The following NMNAT1 variants were observed in gnomAD, a reference collection of about 807,000 sequenced individuals.
The protein encoded by NMNAT1 is nicotinamide/nicotinic acid mononucleotide adenylyltransferase 1.
In NMNAT1, 11 loss-of-function variants were observed where a neutral mutation model predicts 16.7. That is an observed-to-expected ratio of 0.66 (90% CI 0.41 to 1.09). The LOEUF (loss-of-function observed/expected upper bound fraction) is 1.09. Ranked by LOEUF, NMNAT1 falls within the 50% of genes least tolerant of loss-of-function variation. The probability of loss-of-function intolerance (pLI) is 0.00; values close to 1 mark genes in which losing one functional copy is unlikely to be tolerated. For missense variants in NMNAT1, 280 were observed against 332.3 expected (o/e 0.84, Z 1.22); for synonymous variants, 110 against 119.8 (o/e 0.92, Z 0.53).
chr1:9,975,896 G>T, intron 3 of NMNAT1, 121 bp downstream of exon 3: 1 of 766,856 alleles, frequency 1.3e-6, no homozygotes. Flanking sequence ...TGTCACGTGT[G>T]TTGTAAGCCA....
chr1:9,965,982 T>C (rs1337258124), intron 1 of NMNAT1, among the ~76,000 whole-genome samples: 1 of 150,582 alleles, frequency 6.6e-6, no homozygotes, highest in Non-Finnish European at 1.5e-5. Flanking sequence ...ACCGAGATCC[T>C]TTCTCAAAAA....
At chr1:9,955,475 C>T (rs535937634) in intron 1 of NMNAT1, among the ~76,000 whole-genome samples, 6 of 149,126 alleles carry the variant, frequency 4.0e-5, no homozygotes, top group Admixed American at 2.7e-4. Context: ...TGTGGTGGCG[C>T]ATGCCTGTAA....
chr1:9,975,861 C>A, intron 3 of NMNAT1, 86 bp downstream of exon 3: 2 of 1,119,208 alleles, frequency 1.8e-6, no homozygotes, highest in Non-Finnish European at 1.3e-6. Flanking sequence ...TTGCTTACAT[C>A]TGTGAACATA....
At chr1:9,963,152 C>G (rs1348411418) in intron 1 of NMNAT1, among the ~76,000 whole-genome samples, 1 of 151,998 alleles carries the variant, frequency 6.6e-6, no homozygotes, top group Non-Finnish European at 1.5e-5. Flanking sequence ...AGTTTATCTC[C>G]CATTTTTCTT....
chr1:9,955,515 G>T (rs1216599167), intron 1 of NMNAT1, among the ~76,000 whole-genome samples: 2 of 152,118 alleles, frequency 1.3e-5, no homozygotes, highest in African/African-American at 4.8e-5. Context: ...TGAGGCAGGA[G>T]AATCACTTGA....
chr1:9,953,932 C>A (rs909568833), intron 1 of NMNAT1, among the ~76,000 whole-genome samples: 15 of 147,346 alleles, frequency 1.0e-4, no homozygotes, highest in Admixed American at 9.1e-4. Flanking sequence ...CAGTCCCCAT[C>A]GTAGCTGGGA....
the NMNAT1 span, among the ~76,000 whole-genome samples, chr1:9,996,436 G>A: frequency 2.6e-5 from 4 of 152,232 alleles, no homozygotes; most frequent in African/African-American, 9.6e-5. Flanking sequence ...TAATGTTGTA[G>A]GTTAGCCCAT....
Position 9,983,098 on chromosome 1 carries a change from C to CT in NMNAT1, c.*398dup, listed in dbSNP as rs1280326693. On this transcript the variant is annotated 3_prime_UTR_variant, in exon 5 of 5. Transcript: ENST00000377205. Reference sequence around the variant, plus strand: ...TCCAGCCTGGCGACAGAGCAAGACTCTGTCTCAAAAAAAAAAAAAAATTTA... The same window carrying CT: ...TCCAGCCTGGCGACAGAGCAAGACTCTTGTCTCAAAAAAAAAAAAAAATTTA... 7.1e-6 allele frequency: 1 copy of CT among 141,594 alleles called. No homozygotes were observed. Among genetic ancestry groups the CT allele is most frequent in the Admixed American group, 7.0e-5 (1 of 14,356 alleles). 8.8% of individuals were successfully genotyped at this position (141,594 alleles called of 1,614,324 possible).
chr1:9,953,962 T>C (rs541573676), intron 1 of NMNAT1, among the ~76,000 whole-genome samples: 8 of 151,320 alleles, frequency 5.3e-5, no homozygotes, highest in African/African-American at 9.7e-5. Flanking sequence ...CGTGCCATCA[T>C]GCCCAGCTAA....
intron 1 of NMNAT1, chr1:9,967,358 TGATC>T (rs1307637456): frequency 1.3e-5 from 2 of 154,110 alleles, no homozygotes; most frequent in Admixed American, 6.6e-5. Flanking sequence ...CAAACTTACT[TGATC>T]TCCCACGAAT....
chr1:9,989,108 C>T (rs181311958), downstream of NMNAT1, among the ~76,000 whole-genome samples: 10 of 152,162 alleles, frequency 6.6e-5, no homozygotes, highest in East Asian at 1.9e-3. Flanking sequence ...CCCTGTTTGC[C>T]CTCTTGAAAG....
chr1:9,970,900 AT>A (rs1641673830), intron 1 of NMNAT1, among the ~76,000 whole-genome samples: 1 of 152,174 alleles, frequency 6.6e-6, no homozygotes, highest in African/African-American at 2.4e-5. Context: ...TGTTGTATTA[AT>A]TAACTGTGGC....
chr1:9,966,368 T>C (rs1641543200), intron 1 of NMNAT1, among the ~76,000 whole-genome samples: 1 of 151,960 alleles, frequency 6.6e-6, no homozygotes, highest in African/African-American at 2.4e-5. Flanking sequence ...ATCCCAACGC[T>C]GTGGGAGGCT....
chr1:9,971,793 A>G (rs1186822465), intron 1 of NMNAT1, among the ~76,000 whole-genome samples: 1 of 152,004 alleles, frequency 6.6e-6, no homozygotes, highest in Non-Finnish European at 1.5e-5. Context: ...CAAGACCCCC[A>G]TCTCTACAAA....
chr1:9,995,044 G>A, the NMNAT1 span, among the ~76,000 whole-genome samples: 2 of 151,878 alleles, frequency 1.3e-5, no homozygotes, highest in East Asian at 3.9e-4. Context: ...TACCATGCAC[G>A]GACTGCTAGC....
intron 1 of NMNAT1, among the ~76,000 whole-genome samples, chr1:9,965,646 C>G (rs1352756669): frequency 1.3e-5 from 2 of 151,994 alleles, no homozygotes; most frequent in Non-Finnish European, 2.9e-5. Flanking sequence ...CAAGCGATCT[C>G]TCTGCTTTGA....
At chr1:9,973,367 C>G (rs1170556469) in intron 2 of NMNAT1, among the ~76,000 whole-genome samples, 1 of 152,136 alleles carries the variant, frequency 6.6e-6, no homozygotes, top group African/African-American at 2.4e-5. Flanking sequence ...TCCCAAAGTG[C>G]TGGGATCACA....
intron 1 of NMNAT1, among the ~76,000 whole-genome samples, chr1:9,960,072 G>A (rs956331417): frequency 3.9e-5 from 6 of 152,110 alleles, no homozygotes; most frequent in African/African-American, 9.7e-5. Flanking sequence ...TGAAATATGC[G>A]ATAGGGAAAG....
intron 3 of NMNAT1, among the ~76,000 whole-genome samples, chr1:9,978,582 C>A (rs951942887): frequency 6.6e-6 from 1 of 152,184 alleles, no homozygotes; most frequent in Non-Finnish European, 1.5e-5. Flanking sequence ...TCAGACTTGG[C>A]AGGGAGAAGA....
Sources: allele counts gnomAD v4.1 joint callset (sites outside exome capture counted in the v4.1 genomes callset), GRCh38; gene constraint gnomAD v4.1.1; transcripts MANE v1.5; gene names NCBI Gene and HGNC (gene_info 2026-07-23, HGNC 2026-07-21).